Variants in EVI5 observed in about 807,000 individuals in gnomAD.
EVI5 encodes ecotropic viral integration site 5, also known as ecotropic viral integration site 5 protein homolog.
EVI5 carries 73 observed loss-of-function variants against 112.0 expected under a neutral mutation model. The observed-to-expected ratio is 0.65, with a 90% confidence interval of 0.54 to 0.79. The LOEUF (loss-of-function observed/expected upper bound fraction) is 0.79. EVI5 is among the 30% of genes least tolerant of loss of function. The pLI is 0.00. For synonymous variants in EVI5, 305 were observed against 319.9 expected, an observed-to-expected ratio of 0.95 and a Z score of 0.50; for missense variants, 900 against 968.8, an observed-to-expected ratio of 0.93 and a Z score of 0.94.
intron 15 of EVI5, among the ~76,000 whole-genome samples, chr1:92,625,522 G>C (rs1346704371): frequency 1.3e-5 from 2 of 152,136 alleles, no homozygotes; most frequent in Non-Finnish European, 2.9e-5. Flanking sequence ...CACTTTCACA[G>C]TTTGCAGAAA....
Position 92,694,401 on chromosome 1 carries a change from A to C in EVI5, c.910-13T>G. 6.8e-7 allele frequency: 1 copy of C among 1,472,044 alleles called. No individual in the cohort carries two copies. Among genetic ancestry groups the C allele is most frequent in the Non-Finnish European group, 9.4e-7 (1 of 1,067,802 alleles). 91.2% of individuals were successfully genotyped at this position (1,472,044 alleles called of 1,614,324 possible). On this transcript the variant is annotated splice_polypyrimidine_tract_variant and intron_variant, in intron 7 of 19. Transcript: ENST00000684568. ...CTATTTCTAAACCCTGAGGAAACAA[A>C]TTAAATAAATCCAAATTTATGTTAC... is the stretch of plus-strand genomic sequence containing the variant.
intron 2 of EVI5, among the ~76,000 whole-genome samples, chr1:92,705,438 C>T (rs1056508447): frequency 2.0e-5 from 3 of 152,172 alleles, no homozygotes; most frequent in South Asian, 2.1e-4. Context: ...TGCGTGGGAG[C>T]TTCTTCCTTC....
chr1:92,584,156 C>T (rs1571699450), intron 18 of EVI5, among the ~76,000 whole-genome samples: 6 of 152,098 alleles, frequency 3.9e-5, no homozygotes, highest in South Asian at 4.2e-4. Flanking sequence ...AAAAGAGACA[C>T]GGTGGTACAT....
At chr1:92,627,937 G>C (rs1451500456) in intron 14 of EVI5, among the ~76,000 whole-genome samples, 3 of 151,624 alleles carry the variant, frequency 2.0e-5, no homozygotes, top group African/African-American at 7.3e-5. Context: ...TACAGGCGCC[G>C]GCCACCATGC....
At chr1:92,613,038 G>A (rs1237045467) in intron 16 of EVI5, among the ~76,000 whole-genome samples, 1 of 152,214 alleles carries the variant, frequency 6.6e-6, no homozygotes, top group African/African-American at 2.4e-5. Flanking sequence ...GACTCAAGAA[G>A]GGGAATAGCA....
chr1:92,532,833 G>A (rs186966974), intron 19 of EVI5, among the ~76,000 whole-genome samples: 3 of 152,152 alleles, frequency 2.0e-5, no homozygotes, highest in Admixed American at 1.3e-4. Flanking sequence ...AGAGGAAGCA[G>A]GAAAGATCTA....
chr1:92,785,237 G>A (rs564342526), upstream of EVI5: 12 of 325,698 alleles, frequency 3.7e-5, no homozygotes, highest in South Asian at 1.2e-4. Flanking sequence ...GGAGTGCAGA[G>A]GAGGCGGGGA....
chr1:92,750,482 A>G (rs1320000823), intron 1 of EVI5, among the ~76,000 whole-genome samples: 2 of 152,248 alleles, frequency 1.3e-5, no homozygotes, highest in Non-Finnish European at 2.9e-5. Flanking sequence ...ACACGCTGAA[A>G]AACACCACAA....
rs1001516978 is a variant in EVI5 at position 92,780,620 on chromosome 1, T to C, written c.-82+4216A>G. 1.4e-4 allele frequency among the ~76,000 whole-genome samples: 21 copies of C among 152,200 alleles called. 1 individual carries two copies. Among genetic ancestry groups the C allele is most frequent in the African/African-American group, 5.1e-4 (21 of 41,444 alleles). ...CATAAATTAGCTGACCATACTGTTA[T>C]CTAATTTATGAAAAAAAGTGCCACA... On this transcript the variant is annotated intron_variant, in intron 1 of 19. Transcript: ENST00000684568.
At chr1:92,597,310 A>G (rs1466171338) in intron 18 of EVI5, among the ~76,000 whole-genome samples, 2 of 152,232 alleles carry the variant, frequency 1.3e-5, no homozygotes, top group African/African-American at 4.8e-5. Flanking sequence ...TTAGACTGAG[A>G]CATTCAAACA....
At chr1:92,522,226 A>C (rs556091413) in intron 19 of EVI5, among the ~76,000 whole-genome samples, 1 of 152,298 alleles carries the variant, frequency 6.6e-6, no homozygotes, top group South Asian at 2.1e-4. Flanking sequence ...GAGCCGTCTT[A>C]TTCTTTCATT....
At chr1:92,733,707 C>T (rs1468299488) in intron 2 of EVI5, among the ~76,000 whole-genome samples, 3 of 152,064 alleles carry the variant, frequency 2.0e-5, no homozygotes, top group Admixed American at 6.6e-5. Flanking sequence ...ACACAGCACC[C>T]GGTCTACATT....
intron 1 of EVI5, among the ~76,000 whole-genome samples, chr1:92,753,219 A>G (rs1337107): frequency 0.58 from 87,432 of 151,960 alleles, 26,930 homozygotes; most frequent in East Asian, 0.92. Context: ...TCCAGTCGAC[A>G]TGGCTCAGGC....
In EVI5 at chr1:92,747,805, G is replaced by A. The variant is rs148544448; in HGVS notation, c.-81-11178C>T. Among the ~76,000 whole-genome samples, 427 of 151,604 alleles carry A rather than the reference G, an allele frequency of 2.8e-3. 1 individual carries two copies. Among genetic ancestry groups the A allele is most frequent in the African/African-American group, 1.0e-2 (412 of 41,312 alleles). ...AGTCCAAAACCAAGTTGTCAGCAGG[G>A]TCATTCTCCCTCTAAAACTTGTAGG... On this transcript the variant is annotated intron_variant, in intron 1 of 19. Coordinates refer to ENST00000684568, the MANE Select transcript of EVI5 (RefSeq NM_001350197.2).
intron 1 of EVI5, among the ~76,000 whole-genome samples, chr1:92,791,249 C>T (rs892042849): frequency 1.3e-5 from 2 of 152,094 alleles, no homozygotes; most frequent in African/African-American, 4.8e-5. Context: ...TTAAACTATC[C>T]AATTATCTAG....
At chr1:92,552,910 AT>A (rs201415396) in intron 19 of EVI5, among the ~76,000 whole-genome samples, 3,256 of 151,648 alleles carry the variant, frequency 0.021, 54 homozygotes, top group Non-Finnish European at 0.029. Context: ...CTTTGTGTTC[AT>A]GTTTTCATTA....
intron 19 of EVI5, among the ~76,000 whole-genome samples, chr1:92,558,999 G>T (rs1199810678): frequency 6.6e-6 from 1 of 152,080 alleles, no homozygotes; most frequent in Non-Finnish European, 1.5e-5. Flanking sequence ...TGGGAGAATG[G>T]GTCCAGGATG....
At chr1:92,622,220 A>G (rs1467079347) in intron 16 of EVI5, 1 of 338,030 alleles carries the variant, frequency 3.0e-6, no homozygotes, top group South Asian at 2.4e-5. Context: ...TCTACAGCAC[A>G]AACATGTTTT....
rs148817752 is a variant in EVI5 at position 92,665,283 on chromosome 1, T to G, written c.1212+656A>C. ...TGTCTTTCTTTTAATAAAGCAAAAT[T>G]CTTAAACCATACTTTTACTACTCAA... On this transcript the variant is annotated intron_variant, in intron 11 of 19. Transcript: ENST00000684568. Among the ~76,000 whole-genome samples the G allele has an allele frequency of 3.3e-5, 5 of 152,202 alleles. No homozygotes were observed. In the East Asian group the frequency reaches 9.6e-4, roughly 29 times the overall value.
Sources: gnomAD v4.1 joint callset for allele counts (sites outside exome capture counted in the v4.1 genomes callset) on GRCh38, gnomAD v4.1.1 for gene constraint, MANE v1.5 for transcripts, NCBI Gene and HGNC (gene_info 2026-07-23, HGNC 2026-07-21) for gene names.